Variants in CREB5 observed in about 807,000 individuals in gnomAD.
CREB5 encodes cAMP responsive element binding protein 5, also known as cyclic AMP-responsive element-binding protein 5.
CREB5 carries 19 observed loss-of-function variants against 57.1 expected under a neutral mutation model. The observed-to-expected ratio is 0.33, with a 90% CI of 0.23 to 0.49. The LOEUF (loss-of-function observed/expected upper bound fraction) is 0.49, where lower values mean the gene tolerates loss of function less well. Ranked by LOEUF, CREB5 falls within the 20% of genes least tolerant of loss-of-function variation. CREB5 has a pLI of 0.99. For missense variants in CREB5, 579 were observed against 671.6 expected (o/e 0.86, Z 1.52); for synonymous variants, 238 against 238.3 (o/e 1.00, Z 0.01).
intron 1 of CREB5, among the ~76,000 whole-genome samples, chr7:28,360,716 A>G (rs1352546183): frequency 6.6e-6 from 1 of 152,204 alleles, no homozygotes; most frequent in Non-Finnish European, 1.5e-5. Context: ...CCCCATAAAT[A>G]TATATAATTT....
At chr7:28,440,565 A>G (rs965732225) in intron 1 of CREB5, among the ~76,000 whole-genome samples, 1 of 152,186 alleles carries the variant, frequency 6.6e-6, no homozygotes, top group Non-Finnish European at 1.5e-5. Flanking sequence ...AAGCCTGAAA[A>G]GTAACCTGGT....
chr7:28,377,097 A>G (rs1164093939), intron 1 of CREB5, among the ~76,000 whole-genome samples: 1 of 152,114 alleles, frequency 6.6e-6, no homozygotes, highest in African/African-American at 2.4e-5. Context: ...AGGCATTTTT[A>G]CTCTACAAGG....
chr7:28,439,266 C>T (rs1789087513), intron 1 of CREB5, among the ~76,000 whole-genome samples: 1 of 152,180 alleles, frequency 6.6e-6, no homozygotes, highest in African/African-American at 2.4e-5. Context: ...ATTTAACCTC[C>T]TTGGCTTGAT....
intron 1 of CREB5, among the ~76,000 whole-genome samples, chr7:28,389,486 A>G (rs1348104998): frequency 2.0e-5 from 3 of 152,128 alleles, no homozygotes; most frequent in Non-Finnish European, 4.4e-5. Context: ...TGGAGACCTC[A>G]TGGACATTCC....
At chr7:28,393,439 A>T (rs1440901642) in intron 1 of CREB5, among the ~76,000 whole-genome samples, 6 of 152,090 alleles carry the variant, frequency 3.9e-5, no homozygotes, top group Non-Finnish European at 8.8e-5. Flanking sequence ...TATTTTGATG[A>T]TTGATTGTGG....
At chr7:28,599,624 C>T (rs996025767) in intron 5 of CREB5, among the ~76,000 whole-genome samples, 6 of 152,174 alleles carry the variant, frequency 3.9e-5, no homozygotes, top group South Asian at 2.1e-4. Context: ...AATAAAGACA[C>T]GCATAGCTCT....
At chr7:28,487,227 G>T (rs901747251) in intron 1 of CREB5, among the ~76,000 whole-genome samples, 6 of 152,114 alleles carry the variant, frequency 3.9e-5, no homozygotes, top group Non-Finnish European at 8.8e-5. Flanking sequence ...ATGATGGCCA[G>T]GCTGGTCTCA....
chr7:28,703,033 G>GA (rs1162159731), intron 5 of CREB5, among the ~76,000 whole-genome samples: 2 of 152,132 alleles, frequency 1.3e-5, no homozygotes, highest in Non-Finnish European at 1.5e-5. Flanking sequence ...CAATGAGGTA[G>GA]AACATATAAA....
intron 5 of CREB5, among the ~76,000 whole-genome samples, chr7:28,645,656 C>T (rs1407591641): frequency 6.6e-6 from 1 of 152,124 alleles, no homozygotes; most frequent in Non-Finnish European, 1.5e-5. Flanking sequence ...TTCTATGATG[C>T]TGGTATGTAC....
intron 5 of CREB5, 60 bp downstream of exon 5, chr7:28,570,597 C>T (rs2128648664): frequency 1.9e-6 from 3 of 1,561,982 alleles, no homozygotes; most frequent in South Asian, 2.4e-5. Flanking sequence ...ATGTCCTGGA[C>T]TTCCTCCTGG....
At chr7:28,632,033 C>T (rs1038824849) in intron 5 of CREB5, among the ~76,000 whole-genome samples, 10 of 152,280 alleles carry the variant, frequency 6.6e-5, no homozygotes, top group Middle Eastern at 3.4e-3. Context: ...GTAGGCTAAA[C>T]CCATGTCAGA....
At chr7:28,411,871 T>C (rs1202916304), upstream of CREB5, among the ~76,000 whole-genome samples, 3 of 152,144 alleles carry the variant, frequency 2.0e-5, no homozygotes, top group African/African-American at 7.2e-5. Context: ...TATTCACATC[T>C]AGAGATGAAA....
chr7:28,301,761 T>A (rs1785100884), intron 1 of CREB5, among the ~76,000 whole-genome samples: 1 of 152,258 alleles, frequency 6.6e-6, no homozygotes, highest in Non-Finnish European at 1.5e-5. Flanking sequence ...TGTTTACAGG[T>A]TTGTTTTGTT....
At chr7:28,591,855 G>C (rs1296266525) in intron 5 of CREB5, among the ~76,000 whole-genome samples, 2 of 152,108 alleles carry the variant, frequency 1.3e-5, no homozygotes, top group Non-Finnish European at 2.9e-5. Context: ...TTTGTGCTTG[G>C]GACTCATAGG....
At chr7:28,523,197 T>C (rs1020794820) in intron 4 of CREB5, among the ~76,000 whole-genome samples, 1 of 152,176 alleles carries the variant, frequency 6.6e-6, no homozygotes, top group Non-Finnish European at 1.5e-5. Context: ...GCCATCACTT[T>C]TGGGTGTCAT....
In CREB5 at chr7:28,776,630, AAC is replaced by A. The variant is rs371286184; in HGVS notation, c.703-27566_703-27565del. On this transcript the variant is annotated intron_variant, in intron 7 of 10. Transcript: ENST00000357727. Reference sequence around the variant, plus strand: ...ATATTTACAAAGTTGTGCAACCATCAACACTATCTAATTTCAGAATATTTTCA... The same window carrying A: ...ATATTTACAAAGTTGTGCAACCATCAACTATCTAATTTCAGAATATTTTCA... 1.6e-4 allele frequency among the ~76,000 whole-genome samples: 24 copies of A among 152,288 alleles called. No individual in the cohort carries two copies. The East Asian group carries it at 4.4e-3, about 28-fold the overall frequency.
intron 4 of CREB5, among the ~76,000 whole-genome samples, chr7:28,560,869 C>CGCGTGT (rs1369015394): frequency 1.7e-4 from 5 of 28,600 alleles, no homozygotes; most frequent in African/African-American, 7.7e-4. Flanking sequence ...CGTGTGCCTG[C>CGCGTGT]GTGCGCGTGC....
At chr7:28,709,567 G>A (rs750507695) in intron 5 of CREB5, among the ~76,000 whole-genome samples, 8 of 151,850 alleles carry the variant, frequency 5.3e-5, no homozygotes, top group East Asian at 1.9e-4. Flanking sequence ...CATCTCCTCC[G>A]CCTAAGTAGA....
chr7:28,477,012 C>T (rs17156762), intron 1 of CREB5, among the ~76,000 whole-genome samples: 1 of 152,218 alleles, frequency 6.6e-6, no homozygotes, highest in African/African-American at 2.4e-5. Context: ...TTGTGCCAAG[C>T]CTTCATTCTC....
Sources: allele counts gnomAD v4.1 joint callset (sites outside exome capture counted in the v4.1 genomes callset), GRCh38; gene constraint gnomAD v4.1.1; transcripts MANE v1.5; gene names NCBI Gene and HGNC (gene_info 2026-07-23, HGNC 2026-07-21).